Variants in CCDC85C observed in about 807,000 individuals in gnomAD.
CCDC85C encodes coiled-coil domain containing 85C.
A neutral mutation model predicts 38.3 loss-of-function variants in CCDC85C; 18 were observed. The ratio of observed to expected loss-of-function variants is 0.47; its 90% CI spans 0.33 to 0.70. The LOEUF (loss-of-function observed/expected upper bound fraction) is 0.70. Ranked by LOEUF, CCDC85C falls within the 30% of genes least tolerant of loss-of-function variation. The pLI is 0.03. For synonymous variants in CCDC85C, 264 were observed against 293.8 expected (o/e 0.90, Z 1.04); for missense variants, 566 against 621.2 (o/e 0.91, Z 0.94).
intron 3 of CCDC85C, among the ~76,000 whole-genome samples, chr14:99,519,544 G>T (rs187020483): frequency 6.6e-6 from 1 of 152,278 alleles, no homozygotes; most frequent in African/African-American, 2.4e-5. Flanking sequence ...GGTGCCCAAA[G>T]TGAGGATACC....
Position 99,533,705 on chromosome 14 carries a change from G to A in CCDC85C, c.867+2310C>T, listed in dbSNP as rs568606835. Reference sequence around the variant, plus strand: ...AGGGAGCTGGTGGGAGCAGGCCTGGGGAGGAAGAGGTCCCTGGGCAGAGCC... The same window carrying A: ...AGGGAGCTGGTGGGAGCAGGCCTGGAGAGGAAGAGGTCCCTGGGCAGAGCC... On this transcript the variant is annotated intron_variant, in intron 2 of 5. Coordinates refer to ENST00000380243, the MANE Select transcript of CCDC85C (RefSeq NM_001144995.2). The surrounding 1 kb of genome is among the most constrained non-coding windows in gnomAD (Gnocchi z 4.2). 3.3e-5 allele frequency among the ~76,000 whole-genome samples: 5 copies of A among 152,202 alleles called. No homozygotes were observed. Among genetic ancestry groups the A allele is most frequent in the Non-Finnish European group, 7.4e-5 (5 of 68,024 alleles).
chr14:99,593,029 G>A (rs2055104416), intron 1 of CCDC85C, among the ~76,000 whole-genome samples: 2 of 152,222 alleles, frequency 1.3e-5, no homozygotes, highest in African/African-American at 4.8e-5. Context: ...GGGATATTAA[G>A]CAGCCGGGAA....
At chr14:99,580,719 G>T (rs1398029635) in intron 1 of CCDC85C, among the ~76,000 whole-genome samples, 3 of 152,082 alleles carry the variant, frequency 2.0e-5, no homozygotes, top group Non-Finnish European at 4.4e-5. Flanking sequence ...ACAAAAATTA[G>T]CTGGGCATGG....
Position 99,533,259 on chromosome 14 carries a change from G to A in CCDC85C, c.867+2756C>T, listed in dbSNP as rs1372327700. 6.6e-6 allele frequency among the ~76,000 whole-genome samples: 1 copy of A among 152,188 alleles called. No homozygotes were observed. The highest frequency in any genetic ancestry group is 1.5e-5 in the Non-Finnish European group (1 of 68,024). ...ACTGGGTATGGCCCTGACAACACTTGCTGGGAGCCCCAGGGCAAGACCTCT... is the reference window on the plus strand; with the variant it reads ...ACTGGGTATGGCCCTGACAACACTTACTGGGAGCCCCAGGGCAAGACCTCT... On this transcript the variant is annotated intron_variant, in intron 2 of 5. Transcript: ENST00000380243. This position sits in a 1 kb window ranked among gnomAD's most constrained non-coding sequence, Gnocchi z 4.2.
At position 99,517,199 on chromosome 14, in the gene CCDC85C, A is replaced by C. The variant is rs906144265; in HGVS notation, c.976-16T>G. ...AGGCCGGGCCCTGGGGAAGGCAATC[A>C]CACATCTCAGCTCACCCTGGCTGGC... On this transcript the variant is annotated splice_polypyrimidine_tract_variant and intron_variant, in intron 3 of 5. Coordinates refer to ENST00000380243, the MANE Select transcript of CCDC85C (RefSeq NM_001144995.2). The C allele has an allele frequency of 6.6e-7, 1 of 1,526,388 alleles. No homozygotes were observed. The highest frequency in any genetic ancestry group is 2.5e-5 in the East Asian group (1 of 40,690). 94.6% of individuals were successfully genotyped at this position (1,526,388 alleles called of 1,614,324 possible).
chr14:99,503,502 C>T lies in CCDC85C; in HGVS notation c.*11744G>A. The T allele has an allele frequency of 1.1e-6, 1 of 877,120 alleles. No individual in the cohort carries two copies. Among genetic ancestry groups the T allele is most frequent in the Non-Finnish European group, 1.8e-6 (1 of 553,636 alleles). The allele number at this position is 877,120 out of a possible 1,614,324, so 54.3% of individuals were successfully genotyped here. A position where few individuals can be genotyped will look rare whatever the true frequency, so the allele number is the denominator to read the frequency against. On this transcript the variant is annotated 3_prime_UTR_variant, in exon 6 of 6. Transcript: ENST00000380243. ...GGCTAGAAATAATTTTTGTCCGAGG[C>T]TGTTCACAGTGACTGCCGTCGCTGA...
chr14:99,589,241 CA>C (rs1288558693), intron 1 of CCDC85C, among the ~76,000 whole-genome samples: 1 of 152,094 alleles, frequency 6.6e-6, no homozygotes, highest in Non-Finnish European at 1.5e-5. Context: ...GGACAGCAGG[CA>C]GGGGGGAGCA....
At chr14:99,524,828 A>T (rs945528020) in intron 2 of CCDC85C, among the ~76,000 whole-genome samples, 1 of 151,934 alleles carries the variant, frequency 6.6e-6, no homozygotes, top group Non-Finnish European at 1.5e-5. Context: ...CCTCAGGGGG[A>T]GGCAGGGGGT....
intron 1 of CCDC85C, among the ~76,000 whole-genome samples, chr14:99,539,326 T>C (rs1402795148): frequency 2.0e-5 from 3 of 151,740 alleles, no homozygotes; most frequent in Non-Finnish European, 4.4e-5. Context: ...TAAAATTAGC[T>C]GGGCGTGATG....
chr14:99,548,307 G>A lies in CCDC85C; in HGVS notation c.794-12219C>T, dbSNP rs1026722735. On this transcript the variant is annotated intron_variant, in intron 1 of 5. Transcript: ENST00000380243. This position sits in a 1 kb window ranked among gnomAD's most constrained non-coding sequence, Gnocchi z 4.9. Reference sequence around the variant, plus strand: ...ATAGCCAAGAAGTCTGTGAGGAGACGCCCAACCGCAGGTGTCATCAAGGAA... The same window carrying A: ...ATAGCCAAGAAGTCTGTGAGGAGACACCCAACCGCAGGTGTCATCAAGGAA... 3.3e-5 allele frequency among the ~76,000 whole-genome samples: 5 copies of A among 152,036 alleles called. No homozygotes were observed. Among genetic ancestry groups the A allele is most frequent in the Admixed American group, 1.3e-4 (2 of 15,260 alleles).
chr14:99,517,083 C>T lies in CCDC85C; in HGVS notation c.1071+5G>A. ...ACTTCTGAGGGAGCGGGTAGTGGCC[C>T]TCACCTTCATGGCATGCACGACAGC... On this transcript the variant is annotated splice_donor_5th_base_variant and intron_variant, in intron 4 of 5. Transcript: ENST00000380243. 1.3e-6 allele frequency: 2 copies of T among 1,550,438 alleles called. No individual in the cohort carries two copies. The highest frequency in any genetic ancestry group is 8.7e-7 in the Non-Finnish European group (1 of 1,146,842).
chr14:99,501,849 T>C lies in CCDC85C; in HGVS notation c.*13397A>G, dbSNP rs1465791281. The C allele has an allele frequency of 4.3e-6, 1 of 232,310 alleles. No homozygotes were observed. Among genetic ancestry groups the C allele is most frequent in the East Asian group, 1.2e-4 (1 of 8,622 alleles). The allele number at this position is 232,310 out of a possible 1,614,324, so 14.4% of individuals were successfully genotyped here. A position where few individuals can be genotyped will look rare whatever the true frequency, so the allele number is the denominator to read the frequency against. On this transcript the variant is annotated 3_prime_UTR_variant, in exon 6 of 6. Transcript: ENST00000380243. Reference sequence around the variant, plus strand: ...TGCTGCCAGCCCCATCCCACTGCAGTCAGTGAAGCTTCTCTTACATTTGAC... The same window carrying C: ...TGCTGCCAGCCCCATCCCACTGCAGCCAGTGAAGCTTCTCTTACATTTGAC...
intron 1 of CCDC85C, among the ~76,000 whole-genome samples, chr14:99,593,034 C>T (rs1015006907): frequency 2.0e-5 from 3 of 152,174 alleles, no homozygotes; most frequent in Non-Finnish European, 4.4e-5. Context: ...ATTAAGCAGC[C>T]GGGAAACAGA....
intron 3 of CCDC85C, among the ~76,000 whole-genome samples, chr14:99,521,892 G>A (rs1246606062): frequency 6.6e-6 from 1 of 152,218 alleles, no homozygotes; most frequent in African/African-American, 2.4e-5. Context: ...GAGGGACAGG[G>A]GCTAGGCACG....
chr14:99,602,130 G>A (rs544470963), intron 1 of CCDC85C, among the ~76,000 whole-genome samples: 2 of 152,362 alleles, frequency 1.3e-5, no homozygotes, highest in East Asian at 1.9e-4. Context: ...GCAACTACCA[G>A]CAGAACTGGA....
intron 2 of CCDC85C, chr14:99,522,684 A>C: frequency 6.5e-6 from 1 of 153,426 alleles, no homozygotes; most frequent in Non-Finnish European, 1.4e-5. Context: ...GAGGCCTCCC[A>C]CCTCCCACGG....
chr14:99,502,249 A>T lies in CCDC85C; in HGVS notation c.*12997T>A, dbSNP rs1566751313. ...CACTGCAGTGGGAACCAGAGATCAT[A>T]GCAGTAGCAGTGATGTATCTCGCAG... On this transcript the variant is annotated 3_prime_UTR_variant, in exon 6 of 6. Coordinates refer to ENST00000380243, the MANE Select transcript of CCDC85C (RefSeq NM_001144995.2). 1 of 1,604,994 alleles carries T rather than the reference A, an allele frequency of 6.2e-7. No homozygotes were observed.
rs1896822839 is a variant in CCDC85C, at chr14:99,501,444, G to A, written c.*13802C>T. ...CATGTTCAAATGTTGATTAATTACA[G>A]TATTTTAAAATAGGCAGAGACTTTA... On this transcript the variant is annotated 3_prime_UTR_variant, in exon 6 of 6. Coordinates refer to ENST00000380243, the MANE Select transcript of CCDC85C (RefSeq NM_001144995.2). 7.1e-7 allele frequency: 1 copy of A among 1,412,508 alleles called. No homozygotes were observed. The highest frequency in any genetic ancestry group is 1.0e-6 in the Non-Finnish European group (1 of 1,000,140). The allele number at this position is 1,412,508 out of a possible 1,614,324, so 87.5% of individuals were successfully genotyped here. A position where few individuals can be genotyped will look rare whatever the true frequency, so the allele number is the denominator to read the frequency against.
chr14:99,550,480 TA>T (rs1431315530), intron 1 of CCDC85C, among the ~76,000 whole-genome samples: 3 of 152,172 alleles, frequency 2.0e-5, no homozygotes, highest in Non-Finnish European at 4.4e-5. Context: ...TGCAAGAGAA[TA>T]AATGTGTGTT....
Sources: allele counts gnomAD v4.1 joint callset (sites outside exome capture counted in the v4.1 genomes callset), GRCh38; gene constraint gnomAD v4.1.1; non-coding constraint Gnocchi (gnomAD v3.1); transcripts MANE v1.5; gene names NCBI Gene and HGNC (gene_info 2026-07-23, HGNC 2026-07-21).